DENND10: variants seen among roughly 807,000 people sequenced by gnomAD.
DENND10 encodes the protein DENN domain containing 10.
In DENND10, 24 loss-of-function variants were observed where a neutral mutation model predicts 43.6. The observed-to-expected ratio is 0.55, with a 90% CI of 0.40 to 0.77. The LOEUF (loss-of-function observed/expected upper bound fraction) is 0.77. Ranked by LOEUF, DENND10 falls within the 30% of genes least tolerant of loss-of-function variation. The pLI is 0.00. For missense variants in DENND10, 303 were observed against 429.9 expected, an observed-to-expected ratio of 0.70 and a Z score of 2.61; for synonymous variants, 125 against 157.6, an observed-to-expected ratio of 0.79 and a Z score of 1.55.
intron 1 of DENND10, among the ~76,000 whole-genome samples, chr10:119,106,340 C>T (rs983990257): frequency 6.6e-6 from 1 of 152,126 alleles, no homozygotes; most frequent in East Asian, 1.9e-4. Context: ...TTTTCAATAA[C>T]AATTTTTTAT....
intron 1 of DENND10, among the ~76,000 whole-genome samples, chr10:119,107,389 C>G (rs1157993781): frequency 6.7e-6 from 1 of 150,174 alleles, no homozygotes; most frequent in African/African-American, 2.4e-5. Flanking sequence ...GGGAGAAACT[C>G]TAACATCTTT....
intron 8 of DENND10, among the ~76,000 whole-genome samples, chr10:119,135,806 A>C (rs1386196372): frequency 2.0e-5 from 3 of 150,058 alleles, no homozygotes; most frequent in Admixed American, 1.3e-4. Flanking sequence ...AAAAAAAAAA[A>C]AAAAAAAAAA....
chr10:119,133,046 TC>T lies in DENND10; in HGVS notation c.897+440del, dbSNP rs11295731. 7.7e-3 allele frequency: 1,308 copies of T among 170,882 alleles called. 18 individuals carry two copies. The highest frequency in any genetic ancestry group is 0.029 in the African/African-American group (1,227 of 42,014). The allele number at this position is 170,882 out of a possible 1,614,324, so 10.6% of individuals were successfully genotyped here. On this transcript the variant is annotated intron_variant, in intron 8 of 8. Coordinates refer to ENST00000361432, the MANE Select transcript of DENND10 (RefSeq NM_207009.4). ...CAGAAATCATGCAGTCAGACTCCTG[TC>T]CCACTTAGTGACTGTTGCCACATGC...
In DENND10 at chr10:119,136,661, C is replaced by T. The variant is rs763103795; in HGVS notation, c.*14C>T. The T allele has an allele frequency of 1.9e-5, 25 of 1,330,804 alleles. No individual in the cohort carries two copies. The highest frequency in any genetic ancestry group is 8.7e-5 in the South Asian group (6 of 69,308). 82.4% of individuals were successfully genotyped at this position (1,330,804 alleles called of 1,614,324 possible). ...CTGAAAATCTGACTGTGTGACAGAA[C>T]GTATCACTGATGACTGATAGAAAGC... On this transcript the variant is annotated 3_prime_UTR_variant, in exon 9 of 9. Transcript: ENST00000361432.
chr10:119,134,350 AT>A (rs71016544), intron 8 of DENND10: 49,255 of 131,840 alleles, frequency 0.37, 8,856 homozygotes, highest in East Asian at 0.52. Context: ...AGAAGACATG[AT>A]TTTTTTTTTT....
intron 7 of DENND10, among the ~76,000 whole-genome samples, chr10:119,131,076 G>A (rs894930057): frequency 1.3e-5 from 2 of 152,226 alleles, no homozygotes; most frequent in Admixed American, 1.3e-4. Flanking sequence ...GCATGTCTTA[G>A]TAAGCATAAG....
intron 2 of DENND10, among the ~76,000 whole-genome samples, chr10:119,110,397 G>C (rs187864230): frequency 2.0e-5 from 3 of 152,086 alleles, no homozygotes; most frequent in Admixed American, 6.6e-5. Context: ...TGTCTCATTA[G>C]TGGAAATATT....
intron 1 of DENND10, among the ~76,000 whole-genome samples, chr10:119,106,157 A>G (rs1844686526): frequency 6.6e-6 from 1 of 152,128 alleles, no homozygotes; most frequent in Admixed American, 6.6e-5. Context: ...TCAGAGGTGG[A>G]GGTTGCAGTG....
intron 4 of DENND10, 125 bp downstream of exon 4, chr10:119,117,792 C>G: frequency 1.1e-6 from 1 of 871,820 alleles, no homozygotes; most frequent in African/African-American, 1.7e-5. Flanking sequence ...ATGGTGAAAC[C>G]TCGTCTCCAC....
intron 6 of DENND10, among the ~76,000 whole-genome samples, chr10:119,124,209 T>C (rs1054149205): frequency 3.4e-5 from 5 of 147,512 alleles, no homozygotes; most frequent in Non-Finnish European, 7.5e-5. Flanking sequence ...AAAAAAAAAA[T>C]TGTGGTAAAA....
intron 6 of DENND10, among the ~76,000 whole-genome samples, chr10:119,126,620 A>G (rs898465507): frequency 6.6e-6 from 1 of 152,088 alleles, no homozygotes; most frequent in African/African-American, 2.4e-5. Context: ...ACCCACCACC[A>G]TGCCTGGCTA....
At chr10:119,131,217 G>A (rs1439991270) in intron 7 of DENND10, among the ~76,000 whole-genome samples, 1 of 152,204 alleles carries the variant, frequency 6.6e-6, no homozygotes, top group Non-Finnish European at 1.5e-5. Context: ...CCAGCACTTT[G>A]GGAGGCCAAG....
At position 119,104,215 on chromosome 10, in the gene DENND10, C is replaced by T. The variant is rs753455854; in HGVS notation, c.55+18C>T. On this transcript the variant is annotated intron_variant, in intron 1 of 8. Transcript: ENST00000361432. The stretch of plus-strand genomic sequence containing the variant: ...GCTGATCGGTGAGGACGTAGGCGCC[C>T]TGCCTGGAAGCCCGCACCCTGGTTC... The T allele has an allele frequency of 6.6e-7, 1 of 1,508,280 alleles. No individual in the cohort carries two copies. The highest frequency in any genetic ancestry group is 1.3e-5 in the South Asian group (1 of 79,722). 93.4% of individuals were successfully genotyped at this position (1,508,280 alleles called of 1,614,324 possible). A position where few individuals can be genotyped will look rare whatever the true frequency, so the allele number is the denominator to read the frequency against.
chr10:119,105,294 C>CTTTT, intron 1 of DENND10: 1 of 143,654 alleles, frequency 7.0e-6, no homozygotes, highest in South Asian at 2.0e-4. Context: ...TGTCTTTCTT[C>CTTTT]TTTTTTTTTT....
intron 1 of DENND10, among the ~76,000 whole-genome samples, chr10:119,104,548 T>C (rs1712467473): frequency 6.8e-6 from 1 of 147,638 alleles, no homozygotes; most frequent in Admixed American, 6.7e-5. Flanking sequence ...CGAGGGGCGC[T>C]GCGCGGGCGG....
intron 6 of DENND10, among the ~76,000 whole-genome samples, chr10:119,128,277 C>T (rs1165308064): frequency 6.6e-6 from 1 of 151,810 alleles, no homozygotes; most frequent in Non-Finnish European, 1.5e-5. Context: ...CGTGCCACTG[C>T]CCTCCAGCCT....
intron 2 of DENND10, among the ~76,000 whole-genome samples, chr10:119,109,882 G>A (rs1589715638): frequency 6.6e-6 from 1 of 151,462 alleles, no homozygotes; most frequent in East Asian, 1.9e-4. Flanking sequence ...GTGCAATCAT[G>A]TCTTACTGCA....
intron 1 of DENND10, among the ~76,000 whole-genome samples, chr10:119,105,870 A>G (rs1844670450): frequency 6.6e-6 from 1 of 151,978 alleles, no homozygotes; most frequent in African/African-American, 2.4e-5. Context: ...TGACAGAGTG[A>G]GACCCCCCCC....
Position 119,107,852 on chromosome 10 carries a change from G to A in DENND10, c.56-116G>A, listed in dbSNP as rs1412192878. 14 of 919,306 alleles carry A rather than the reference G, an allele frequency of 1.5e-5. 1 individual carries two copies. The highest frequency in any genetic ancestry group is 2.0e-5 in the Non-Finnish European group (11 of 559,428). 56.9% of individuals were successfully genotyped at this position (919,306 alleles called of 1,614,324 possible). A position where few individuals can be genotyped will look rare whatever the true frequency, so the allele number is the denominator to read the frequency against. On this transcript the variant is annotated intron_variant, in intron 1 of 8. Transcript: ENST00000361432. ...GAATTTGGGGTGTCAGGTATTGTGA[G>A]TTGCTTTGTAAGATGGGATGTTAAA...
Sources: allele counts gnomAD v4.1 joint callset (sites outside exome capture counted in the v4.1 genomes callset), GRCh38; gene constraint gnomAD v4.1.1; transcripts MANE v1.5; gene names NCBI Gene and HGNC (gene_info 2026-07-23, HGNC 2026-07-21).